The following ACYP2 variants were observed in gnomAD, a reference collection of about 807,000 sequenced individuals.
The protein encoded by ACYP2 is acylphosphatase 2, also known as acylphosphatase-2.
In ACYP2, 12 loss-of-function variants were observed where a neutral mutation model predicts 11.2. The observed-to-expected ratio is 1.08, with a 90% CI of 0.69 to 1.74. The LOEUF (loss-of-function observed/expected upper bound fraction) is 1.74. Among genes scored for constraint, ACYP2 ranks in the 40% most tolerant of loss-of-function variants. ACYP2 has a pLI of 0.00. For missense variants in ACYP2, 134 were observed against 101.9 expected (o/e 1.31, Z -1.35); for synonymous variants, 43 against 32.2 (o/e 1.33, Z -1.13).
intron 2 of ACYP2, among the ~76,000 whole-genome samples, chr2:53,976,228 T>C (rs1194677828): frequency 6.6e-6 from 1 of 152,204 alleles, no homozygotes; most frequent in Non-Finnish European, 1.5e-5. Context: ...TTTTCTTTTT[T>C]AGTCAGGGTT....
chr2:54,256,377 T>G (rs1687536337), intron 6 of ACYP2: 1 of 546,752 alleles, frequency 1.8e-6, no homozygotes, highest in African/African-American at 1.9e-5. Flanking sequence ...GGATGAGTAA[T>G]GATATTACAT....
At chr2:54,094,743 G>T (rs1333989140) in intron 4 of ACYP2, among the ~76,000 whole-genome samples, 1 of 146,850 alleles carries the variant, frequency 6.8e-6, no homozygotes, top group Non-Finnish European at 1.5e-5. Context: ...TCACCACGTT[G>T]GCCTGACTGG....
chr2:54,051,210 T>G, intron 3 of ACYP2: 2 of 809,122 alleles, frequency 2.5e-6, no homozygotes. Context: ...TAACTAAAAA[T>G]GGGCAAAGGA....
intron 2 of ACYP2, among the ~76,000 whole-genome samples, chr2:54,011,990 C>T (rs571134119): frequency 1.5e-3 from 224 of 152,204 alleles, no homozygotes; most frequent in Non-Finnish European, 2.2e-3. Flanking sequence ...AATCCTAGCA[C>T]TTTGAGAGGC....
At chr2:54,216,228 C>T (rs907534060) in intron 6 of ACYP2, among the ~76,000 whole-genome samples, 38 of 152,138 alleles carry the variant, frequency 2.5e-4, no homozygotes, top group Admixed American at 4.6e-4. Flanking sequence ...GTTCTATGAT[C>T]TATTTCTGTG....
At chr2:54,300,734 G>T (rs192134762) in intron 6 of ACYP2, among the ~76,000 whole-genome samples, 17 of 152,182 alleles carry the variant, frequency 1.1e-4, no homozygotes, top group African/African-American at 4.1e-4. Flanking sequence ...CAGTATGTTT[G>T]TAAGACAAGG....
intron 6 of ACYP2, among the ~76,000 whole-genome samples, chr2:54,140,047 T>A (rs1225251853): frequency 6.6e-6 from 1 of 152,356 alleles, no homozygotes; most frequent in East Asian, 1.9e-4. Context: ...CTTGTGTTTG[T>A]GTGTAAAACT....
rs1213203275 is a variant in ACYP2, at chr2:54,155,217, G to A, written c.404+16469G>A. ...AGGTTAACCTAACTGTAGGTTTGTC[G>A]ATTTTGTTTATCTTTTCAAGAAACC... On this transcript the variant is annotated intron_variant, in intron 6 of 6. Transcript: ENST00000607452. Among the ~76,000 whole-genome samples, 8 of 151,258 alleles carry A rather than the reference G, an allele frequency of 5.3e-5. No homozygotes were observed. The South Asian group carries it at 6.3e-4, about 12-fold the overall frequency.
At chr2:54,145,702 C>G (rs1265110482) in intron 6 of ACYP2, among the ~76,000 whole-genome samples, 1 of 152,058 alleles carries the variant, frequency 6.6e-6, no homozygotes. Flanking sequence ...ATTAAACTAT[C>G]AATACTTGAC....
At chr2:54,017,170 A>AT (rs1673733907) in intron 2 of ACYP2, among the ~76,000 whole-genome samples, 1 of 152,072 alleles carries the variant, frequency 6.6e-6, no homozygotes, top group Admixed American at 6.6e-5. Context: ...AAGGGCCCTT[A>AT]TCACATCCAT....
Position 54,091,914 on chromosome 2 carries a change from G to A in ACYP2, c.277+34554G>A, listed in dbSNP as rs558131352. 4.0e-4 allele frequency among the ~76,000 whole-genome samples: 61 copies of A among 152,232 alleles called. No individual in the cohort carries two copies. In the South Asian group the frequency reaches 5.2e-3, roughly 13 times the overall value. On this transcript the variant is annotated intron_variant, in intron 4 of 6. Transcript: ENST00000607452. Reference sequence around the variant, plus strand: ...TCAGAGATGCTGGTGGGAGGAGTACGAGCAAGACTGGAGAAAGAAAGTGTT... The same window carrying A: ...TCAGAGATGCTGGTGGGAGGAGTACAAGCAAGACTGGAGAAAGAAAGTGTT...
At chr2:54,152,779 T>A (rs971419845) in intron 6 of ACYP2, among the ~76,000 whole-genome samples, 9 of 152,218 alleles carry the variant, frequency 5.9e-5, no homozygotes, top group African/African-American at 2.2e-4. Context: ...TGCCACAAGT[T>A]GTTTATATAT....
chr2:54,016,757 G>A (rs1385800774), intron 2 of ACYP2, among the ~76,000 whole-genome samples: 1 of 140,136 alleles, frequency 7.1e-6, no homozygotes, highest in East Asian at 2.1e-4. Flanking sequence ...TTGGGGTCTT[G>A]CTGTGTCGCT....
chr2:54,135,399 T>C, intron 4 of ACYP2, 54 bp from the exon 2 acceptor site: 3 of 1,567,128 alleles, frequency 1.9e-6, no homozygotes, highest in South Asian at 1.2e-5. Context: ...AGGAAACATA[T>C]AACCTTTTAA....
intron 4 of ACYP2, among the ~76,000 whole-genome samples, chr2:54,130,457 C>T (rs1341559529): frequency 3.3e-5 from 5 of 152,110 alleles, no homozygotes; most frequent in Non-Finnish European, 7.4e-5. Context: ...GTGGGAGCCC[C>T]TGTGGGCTTT....
chr2:54,295,582 G>C (rs1206868782), intron 6 of ACYP2, among the ~76,000 whole-genome samples: 3 of 152,016 alleles, frequency 2.0e-5, no homozygotes, highest in African/African-American at 4.8e-5. Flanking sequence ...GATGACAAAG[G>C]CTCATTCATT....
At chr2:54,036,119 G>C (rs1420672510) in intron 2 of ACYP2, among the ~76,000 whole-genome samples, 1 of 152,146 alleles carries the variant, frequency 6.6e-6, no homozygotes, top group African/African-American at 2.4e-5. Context: ...GTTTGAGGCA[G>C]GGTCTTGCTC....
At chr2:54,093,767 C>T (rs1300036899) in intron 4 of ACYP2, among the ~76,000 whole-genome samples, 3 of 151,876 alleles carry the variant, frequency 2.0e-5, no homozygotes, top group Admixed American at 6.6e-5. Flanking sequence ...GGTGAAAACC[C>T]GTCTCTACTA....
intron 6 of ACYP2, among the ~76,000 whole-genome samples, chr2:54,257,128 C>T (rs1027692003): frequency 6.6e-6 from 1 of 152,042 alleles, no homozygotes; most frequent in East Asian, 1.9e-4. Context: ...AATCCTAGCA[C>T]TTTGAGAGGC....
Sources: allele counts gnomAD v4.1 joint callset (sites outside exome capture counted in the v4.1 genomes callset), GRCh38; gene constraint gnomAD v4.1.1; transcripts MANE v1.5; gene names NCBI Gene and HGNC (gene_info 2026-07-23, HGNC 2026-07-21).